Variants in SPG11 observed in about 807,000 individuals in gnomAD.
The protein encoded by SPG11 is spatacsin.
A neutral mutation model predicts 274.0 loss-of-function variants in SPG11; 222 were observed. The observed-to-expected ratio is 0.81, with a 90% confidence interval of 0.73 to 0.91. The LOEUF (loss-of-function observed/expected upper bound fraction) is 0.91, where lower values mean the gene tolerates loss of function less well. SPG11 is among the 40% of genes least tolerant of loss of function. The pLI is 0.00. For synonymous variants in SPG11, 1,144 were observed against 1,039.7 expected (o/e 1.10, Z -1.93); for missense variants, 3,114 against 2,872.7 (o/e 1.08, Z -1.92).
intron 21 of SPG11, chr15:44,600,258 CCT>C (rs1189730701): frequency 3.7e-6 from 2 of 535,418 alleles, no homozygotes; most frequent in African/African-American, 1.9e-5. Flanking sequence ...ACAGATATGC[CCT>C]TTTTTAGAAT....
intron 19 of SPG11, among the ~76,000 whole-genome samples, chr15:44,606,401 T>C (rs2083319252): frequency 2.6e-5 from 4 of 152,106 alleles, no homozygotes; most frequent in Admixed American, 1.3e-4. Flanking sequence ...GCTTCAGAAA[T>C]GCTTTTGGAA....
chr15:44,567,260 A>G (rs1595819119), intron 36 of SPG11, 164 bp downstream of exon 36: 4 of 650,056 alleles, frequency 6.2e-6, no homozygotes, highest in Non-Finnish European at 1.0e-5. Context: ...CTGAGGCGGG[A>G]GAATCACTTG....
At chr15:44,599,281 G>T (rs975200929) in intron 21 of SPG11, among the ~76,000 whole-genome samples, 2 of 152,064 alleles carry the variant, frequency 1.3e-5, no homozygotes, top group African/African-American at 2.4e-5. Flanking sequence ...AAAGACACAA[G>T]AAATTACTAT....
intron 20 of SPG11, among the ~76,000 whole-genome samples, chr15:44,602,365 A>G (rs1328196008): frequency 6.6e-6 from 1 of 152,116 alleles, no homozygotes. Flanking sequence ...CATGGCCTTT[A>G]TAATGTTGAG....
At chr15:44,596,715 GA>G in intron 24 of SPG11, 68 bp downstream of exon 24, 1 of 425,446 alleles carries the variant, frequency 2.4e-6, no homozygotes, top group Non-Finnish European at 4.4e-6. Context: ...CTACACAACA[GA>G]AAGAATGCTA....
In SPG11 at chr15:44,596,876, G is replaced by A. The variant is rs2083057421; in HGVS notation, c.4069C>T (p.Leu1357=). 5 of 1,613,778 alleles carry A rather than the reference G, an allele frequency of 3.1e-6. No homozygotes were observed. Among genetic ancestry groups the A allele is most frequent in the Non-Finnish European group, 4.2e-6 (5 of 1,179,990 alleles). The part of the protein sequence containing the change: ...VQFCRLHNMK[L]SISYLRECAK... ...CATTCTCTAAGGTAAGATATGCTTA[G>A]TTTCATATTGTGTAGCCTGCAGAAC... The change falls in exon 24 of 40, where the codon CTA becomes TTA. Residue 1357 remains leucine (L), a synonymous_variant. Transcript: ENST00000261866.
At chr15:44,603,710 C>G (rs1478015962) in intron 20 of SPG11, among the ~76,000 whole-genome samples, 1 of 152,164 alleles carries the variant, frequency 6.6e-6, no homozygotes. Flanking sequence ...CAGAAGGATG[C>G]TCAAGTCCCT....
intron 9 of SPG11, 116 bp downstream of exon 9, chr15:44,629,117 C>A (rs1395927960): frequency 1.6e-6 from 2 of 1,251,800 alleles, no homozygotes; most frequent in Admixed American, 1.7e-5. Flanking sequence ...ACTGACCTTA[C>A]CCAAATGTAG....
chr15:44,628,618 C>G, intron 10 of SPG11, 51 bp downstream of exon 10: 1 of 1,501,750 alleles, frequency 6.7e-7, no homozygotes, highest in Non-Finnish European at 9.2e-7. Flanking sequence ...ATTGTTTTCT[C>G]AGACCTTCTG....
rs763501392 is a variant in SPG11, at chr15:44,651,708, C to T, written c.1239G>A (p.Trp413Ter). ...CTTGTTCACTGATGTGCATTATTTT[C>T]CATGATCTTCCTGGATCACTGGTCT... Reference protein sequence around the residue: ...HAKTSDPGRSWKIMHISEQEE... With the variant: ...HAKTSDPGRS Residue 413 changes from tryptophan to a stop codon, truncating the protein, a stop_gained, in exon 6 of 40, where the codon TGG (tryptophan) becomes TGA (stop). Transcript: ENST00000261866. LOFTEE classifies it high-confidence loss of function. 6.2e-7 allele frequency: 1 copy of T among 1,614,206 alleles called. No individual in the cohort carries two copies.
chr15:44,606,293 C>T, intron 19 of SPG11: 1 of 522,960 alleles, frequency 1.9e-6, no homozygotes, highest in Non-Finnish European at 3.4e-6. Context: ...TAAAACAGAA[C>T]TGGCTATGTT....
intron 15 of SPG11, among the ~76,000 whole-genome samples, chr15:44,616,621 T>C (rs932892410): frequency 1.3e-5 from 2 of 152,236 alleles, no homozygotes; most frequent in African/African-American, 4.8e-5. Flanking sequence ...CCTTATTTCT[T>C]CTACCCAACA....
intron 15 of SPG11, among the ~76,000 whole-genome samples, chr15:44,619,915 C>G (rs1210343402): frequency 6.6e-6 from 1 of 151,970 alleles, no homozygotes; most frequent in Non-Finnish European, 1.5e-5. Flanking sequence ...AGGGTTTCAC[C>G]GTGTTGGCAA....
In SPG11 at chr15:44,631,803, CTTTTT is replaced by C. The variant is rs1205482825; in HGVS notation, c.1735+1697_1735+1701del. Reference sequence around the variant, plus strand: ...TATAGGTGTGAGCCACTGCACCCAGCTTTTTTTTTTTTTTTTTTTTTTTGAGACAG... The same window carrying C: ...TATAGGTGTGAGCCACTGCACCCAGCTTTTTTTTTTTTTTTTTTGAGACAG... On this transcript the variant is annotated intron_variant, in intron 8 of 39. Transcript: ENST00000261866. Among the ~76,000 whole-genome samples, 867 of 100,424 alleles carry C rather than the reference CTTTTT, an allele frequency of 8.6e-3. 7 individuals carry two copies. The highest frequency in any genetic ancestry group is 0.03 in the African/African-American group (786 of 26,172). The allele number at this position is 100,424 out of a possible 152,430, so 65.9% of individuals were successfully genotyped here.
chr15:44,573,938 G>A, intron 31 of SPG11, 193 bp from the exon 32 acceptor site: 1 of 615,962 alleles, frequency 1.6e-6, no homozygotes, highest in Admixed American at 2.8e-5. Flanking sequence ...GCCAAATCCA[G>A]GTAAAAGAAA....
At chr15:44,614,892 C>T (rs1188158207) in intron 16 of SPG11, among the ~76,000 whole-genome samples, 7 of 152,224 alleles carry the variant, frequency 4.6e-5, no homozygotes, top group Non-Finnish European at 1.0e-4. Flanking sequence ...CTTAGGCAGA[C>T]AGATACTAAT....
intron 33 of SPG11, 97 bp downstream of exon 33, chr15:44,572,586 G>A: frequency 7.8e-7 from 1 of 1,281,598 alleles, no homozygotes; most frequent in South Asian, 1.2e-5. Context: ...GGCATCCAGA[G>A]CAGGAACAGG....
intron 28 of SPG11, among the ~76,000 whole-genome samples, chr15:44,586,369 G>A (rs894430681): frequency 3.3e-5 from 5 of 152,170 alleles, no homozygotes; most frequent in African/African-American, 4.8e-5. Flanking sequence ...TTAATGGCTA[G>A]GCGTAGTGGC....
At chr15:44,579,350 C>T (rs1347774847) in intron 30 of SPG11, among the ~76,000 whole-genome samples, 1 of 151,434 alleles carries the variant, frequency 6.6e-6, no homozygotes, top group African/African-American at 2.4e-5. Flanking sequence ...CATGGCAAAA[C>T]CCCATCTCTA....
Sources: allele counts gnomAD v4.1 joint callset (sites outside exome capture counted in the v4.1 genomes callset), GRCh38; gene constraint gnomAD v4.1.1; transcripts MANE v1.5; gene names NCBI Gene and HGNC (gene_info 2026-07-23, HGNC 2026-07-21).